The following SEPTIN9 variants were observed in gnomAD, a reference collection of about 807,000 sequenced individuals.
SEPTIN9 encodes the protein septin 9.
A neutral mutation model predicts 56.6 loss-of-function variants in SEPTIN9; 13 were observed. The observed-to-expected ratio is 0.23, with a 90% CI of 0.15 to 0.37. The LOEUF is 0.37. Ranked by LOEUF, SEPTIN9 falls within the 10% of genes least tolerant of loss-of-function variation. The pLI is 1.00. For synonymous variants in SEPTIN9, 332 were observed against 334.1 expected, an observed-to-expected ratio of 0.99 and a Z score of 0.07; for missense variants, 650 against 823.1, an observed-to-expected ratio of 0.79 and a Z score of 2.57.
chr17:77,477,632 G>A lies in SEPTIN9; in HGVS notation c.722-4512G>A, dbSNP rs552779353. On this transcript the variant is annotated intron_variant, in intron 3 of 11. Transcript: ENST00000427177. ...ATATCACTGAGTAAGCCACAGCCTCGGGCACCCAGGAGCTCGCAGAGCAGG... is the reference window on the plus strand; with the variant it reads ...ATATCACTGAGTAAGCCACAGCCTCAGGCACCCAGGAGCTCGCAGAGCAGG... Among the ~76,000 whole-genome samples, 14 of 152,248 alleles carry A rather than the reference G, an allele frequency of 9.2e-5. 1 individual carries two copies. In the East Asian group the frequency reaches 2.5e-3, roughly 27 times the overall value.
Position 77,449,990 on chromosome 17 carries a change from A to G in SEPTIN9, c.722-32154A>G, listed in dbSNP as rs2037902644. Among the ~76,000 whole-genome samples, 2 of 152,142 alleles carry G rather than the reference A, an allele frequency of 1.3e-5. No individual in the cohort carries two copies. Among genetic ancestry groups the G allele is most frequent in the Admixed American group, 1.3e-4 (2 of 15,278 alleles). On this transcript the variant is annotated intron_variant, in intron 3 of 11. Transcript: ENST00000427177. This position sits in a 1 kb window ranked among gnomAD's most constrained non-coding sequence, Gnocchi z 4.6. Reference sequence around the variant, plus strand: ...GAACCCAGGTCTCTGATCTGCCACCAGCCTCCCTCCCATTCAGATGGGAAC... The same window carrying G: ...GAACCCAGGTCTCTGATCTGCCACCGGCCTCCCTCCCATTCAGATGGGAAC...
chr17:77,492,536 C>T lies in SEPTIN9; in HGVS notation c.1381-85C>T. On this transcript the variant is annotated intron_variant, in intron 8 of 11. Transcript: ENST00000427177. The surrounding 1 kb of genome is among the most constrained non-coding windows in gnomAD (Gnocchi z 5.4). Reference sequence around the variant, plus strand: ...TTGAACCCGAGCCTGGGGCAGCACACAGTGTGGAGGTCATGTGGCAAACAC... The same window carrying T: ...TTGAACCCGAGCCTGGGGCAGCACATAGTGTGGAGGTCATGTGGCAAACAC... 8.2e-7 allele frequency: 1 copy of T among 1,219,618 alleles called. No individual in the cohort carries two copies. The highest frequency in any genetic ancestry group is 1.2e-6 in the Non-Finnish European group (1 of 820,816). 75.5% of individuals were successfully genotyped at this position (1,219,618 alleles called of 1,614,324 possible).
intron 3 of SEPTIN9, among the ~76,000 whole-genome samples, chr17:77,422,263 C>T (rs996121534): frequency 1.3e-5 from 2 of 152,178 alleles, no homozygotes; most frequent in Non-Finnish European, 2.9e-5. Flanking sequence ...CTCCTGGGCG[C>T]GTGGTCAGGC....
chr17:77,439,593 A>G (rs1254069057), intron 3 of SEPTIN9, among the ~76,000 whole-genome samples: 1 of 152,030 alleles, frequency 6.6e-6, no homozygotes, highest in Non-Finnish European at 1.5e-5. Flanking sequence ...TGAAACAGTC[A>G]TTTTCTGAGC....
intron 3 of SEPTIN9, among the ~76,000 whole-genome samples, chr17:77,467,115 A>G (rs556616916): frequency 2.6e-5 from 4 of 152,228 alleles, no homozygotes; most frequent in Non-Finnish European, 5.9e-5. Context: ...CTTTTCATGC[A>G]GGACGGCAGA....
At chr17:77,351,381 G>A (rs2034060130) in intron 2 of SEPTIN9, among the ~76,000 whole-genome samples, 1 of 152,180 alleles carries the variant, frequency 6.6e-6, no homozygotes, top group Admixed American at 6.5e-5. Context: ...GTTGCTGCTC[G>A]TTGAAGGGAA....
rs774202305 is a variant in SEPTIN9 at position 77,425,215 on chromosome 17, G to A, written c.721+22512G>A. On this transcript the variant is annotated intron_variant, in intron 3 of 11. Coordinates refer to ENST00000427177, the MANE Select transcript of SEPTIN9 (RefSeq NM_001113491.2). The surrounding 1 kb of genome is among the most constrained non-coding windows in gnomAD (Gnocchi z 4.2). ...CCAGCTGTGGGAGGTCGTGCGGGCTGGGGACTGAGAGTGCCGGAGGAGGGC... is the reference window on the plus strand; with the variant it reads ...CCAGCTGTGGGAGGTCGTGCGGGCTAGGGACTGAGAGTGCCGGAGGAGGGC... Among the ~76,000 whole-genome samples the A allele has an allele frequency of 1.3e-5, 2 of 152,166 alleles. No individual in the cohort carries two copies. Among genetic ancestry groups the A allele is most frequent in the South Asian group, 4.1e-4 (2 of 4,830 alleles).
intron 1 of SEPTIN9, among the ~76,000 whole-genome samples, chr17:77,297,334 GA>G (rs2031863954): frequency 6.6e-6 from 1 of 152,182 alleles, no homozygotes. Context: ...GAGAAAGAGG[GA>G]ATTCACCTTT....
At chr17:77,410,382 A>T (rs374107095) in intron 3 of SEPTIN9, among the ~76,000 whole-genome samples, 4 of 152,164 alleles carry the variant, frequency 2.6e-5, no homozygotes, top group African/African-American at 9.7e-5. Context: ...CACCTGGGTC[A>T]AGCTCGATTC....
chr17:77,401,982 G>C, intron 2 of SEPTIN9, 77 bp from the exon 3 acceptor site: 1 of 1,477,350 alleles, frequency 6.8e-7, no homozygotes, highest in Non-Finnish European at 9.2e-7. Flanking sequence ...TTCCTCTGCT[G>C]CTCCTTAGCA....
chr17:77,407,243 A>G (rs868054304), intron 3 of SEPTIN9, among the ~76,000 whole-genome samples: 3 of 137,870 alleles, frequency 2.2e-5, no homozygotes, highest in Non-Finnish European at 3.1e-5. Context: ...AGATTGTGCC[A>G]CTGCACTCCA....
rs1175041875 is a variant in SEPTIN9, at chr17:77,487,216, C to T, written c.914-208C>T. ...CCTGGGTTGTGCTGGCATCAGAGCC[C>T]GGCTGTGTGGGTTTACACAGTCACT... On this transcript the variant is annotated intron_variant, in intron 4 of 11. Transcript: ENST00000427177. The surrounding 1 kb of genome is among the most constrained non-coding windows in gnomAD (Gnocchi z 4.3). Among the ~76,000 whole-genome samples, 2 of 152,194 alleles carry T rather than the reference C, an allele frequency of 1.3e-5. No homozygotes were observed. The highest frequency in any genetic ancestry group is 2.4e-5 in the African/African-American group (1 of 41,448).
rs1437778734 is a variant in SEPTIN9 at position 77,476,488 on chromosome 17, AG to A, written c.722-5653del. On this transcript the variant is annotated intron_variant, in intron 3 of 11. Transcript: ENST00000427177. This position sits in a 1 kb window ranked among gnomAD's most constrained non-coding sequence, Gnocchi z 6.0. ...AGATGTTCCCAGAGGGTGCTGGCTC[AG>A]GGCTGCGTGGATTACAGCCCTTTCA... Among the ~76,000 whole-genome samples, 1 of 152,230 alleles carries A rather than the reference AG, an allele frequency of 6.6e-6. No individual in the cohort carries two copies. The highest frequency in any genetic ancestry group is 1.5e-5 in the Non-Finnish European group (1 of 68,032).
chr17:77,372,133 T>TG, intron 2 of SEPTIN9, among the ~76,000 whole-genome samples: 1 of 151,778 alleles, frequency 6.6e-6, no homozygotes, highest in South Asian at 2.1e-4. Context: ...GCTTCGGGGG[T>TG]GGGGGTGTTG....
chr17:77,378,578 G>A (rs1004104228), intron 2 of SEPTIN9, among the ~76,000 whole-genome samples: 19 of 152,190 alleles, frequency 1.2e-4, no homozygotes, highest in Non-Finnish European at 2.8e-4. Context: ...GGGGATGGGA[G>A]GTCTCAGGCA....
intron 3 of SEPTIN9, among the ~76,000 whole-genome samples, chr17:77,464,493 A>G (rs987640206): frequency 6.6e-6 from 1 of 152,234 alleles, no homozygotes; most frequent in African/African-American, 2.4e-5. Context: ...TCTAAAAGGT[A>G]AAAGGGTTAA....
At chr17:77,397,526 T>A (rs1034402144) in intron 2 of SEPTIN9, among the ~76,000 whole-genome samples, 2 of 152,190 alleles carry the variant, frequency 1.3e-5, no homozygotes, top group African/African-American at 4.8e-5. Flanking sequence ...TGGGGGTCAC[T>A]AGTCAACCCT....
chr17:77,405,025 C>G lies in SEPTIN9; in HGVS notation c.721+2322C>G. 1 of 1,495,984 alleles carries G rather than the reference C, an allele frequency of 6.7e-7. No individual in the cohort carries two copies. Among genetic ancestry groups the G allele is most frequent in the South Asian group, 1.2e-5 (1 of 82,228 alleles). 92.7% of individuals were successfully genotyped at this position (1,495,984 alleles called of 1,614,324 possible). ...CCCCCATCCTGGGTTGATGTGTTCA[C>G]ACTCAGCTGAGTCAAACAGGATGTG... On this transcript the variant is annotated intron_variant, in intron 3 of 11. Transcript: ENST00000427177. This position sits in a 1 kb window ranked among gnomAD's most constrained non-coding sequence, Gnocchi z 5.8.
At chr17:77,316,791 C>T (rs1263109500) in intron 2 of SEPTIN9, among the ~76,000 whole-genome samples, 1 of 151,840 alleles carries the variant, frequency 6.6e-6, no homozygotes, top group Non-Finnish European at 1.5e-5. Context: ...ACAGCAGCCT[C>T]GAACTCCTGG....
Sources: gnomAD v4.1 joint callset for allele counts (sites outside exome capture counted in the v4.1 genomes callset) on GRCh38, gnomAD v4.1.1 for gene constraint, Gnocchi (gnomAD v3.1) non-coding constraint, MANE v1.5 for transcripts, NCBI Gene and HGNC (gene_info 2026-07-23, HGNC 2026-07-21) for gene names.